Variants in XIST observed in about 807,000 individuals in gnomAD.
The protein encoded by XIST is X inactive specific transcript (non-protein coding).
chrX:73,827,358 A>T lies in XIST; in HGVS notation n.12543T>A, dbSNP rs1199777192. 9.0e-6 allele frequency: 5 copies of T among 556,681 alleles called. No homozygotes were observed. In the East Asian group the frequency reaches 1.6e-4, roughly 18 times the overall value. The allele number at this position is 556,681 out of a possible 1,213,427, so 45.9% of individuals were successfully genotyped here. Reference sequence around the variant, plus strand: ...AAGGAGAGATTACATGAAATCAAAGAGAGGGAGATAGATTCATGAAGAGGC... The same window carrying T: ...AAGGAGAGATTACATGAAATCAAAGTGAGGGAGATAGATTCATGAAGAGGC... On this transcript the variant is annotated non_coding_transcript_exon_variant, in exon 6 of 6. Coordinates refer to ENST00000429829, the Ensembl canonical transcript of XIST.
chrX:73,829,144 G>T, exon 5 of XIST: 1 of 558,823 alleles, frequency 1.8e-6, no homozygotes, highest in Non-Finnish European at 3.2e-6. Flanking sequence ...CCTTCAGTGT[G>T]TTCAAATTTC....
rs781169552 is a variant in XIST, at chrX:73,827,090, T to G, written n.12811A>C. On this transcript the variant is annotated non_coding_transcript_exon_variant, in exon 6 of 6. Coordinates refer to ENST00000429829, the Ensembl canonical transcript of XIST. ...AGTCTCAAACCATCTGTCTTATACT[T>G]TGGGCCTTCTATCCATATGAGCCTT... 5.4e-6 allele frequency: 3 copies of G among 558,887 alleles called. No individual in the cohort carries two copies. The South Asian group carries it at 6.7e-5, about 12-fold the overall frequency. The allele number at this position is 558,887 out of a possible 1,213,427, so 46.1% of individuals were successfully genotyped here.
exon 1 of XIST, chrX:73,848,770 T>A (rs1183877120): frequency 3.6e-6 from 2 of 556,724 alleles, no homozygotes; most frequent in African/African-American, 4.5e-5. Context: ...GAAGGAAACT[T>A]GGGTAGTCAG....
chrX:73,830,667 G>T lies in XIST; in HGVS notation n.11752+399C>A, dbSNP rs960950959. Among the ~76,000 whole-genome samples, 7 of 112,289 alleles carry T rather than the reference G, an allele frequency of 6.2e-5. No homozygotes were observed. In the Admixed American group the frequency reaches 6.6e-4, roughly 11 times the overall value. On this transcript the variant is annotated intron_variant and non_coding_transcript_variant, in intron 4 of 5. Transcript: ENST00000429829. ...ACACCATGGCATCCCAAGCCATCCT[G>T]AAGTATGTAAATGATTGGCAAAGTT...
exon 1 of XIST, chrX:73,852,319 G>A: frequency 1.8e-6 from 1 of 543,188 alleles, no homozygotes; most frequent in African/African-American, 2.3e-5. Context: ...TTAAAAGGCA[G>A]GTATCCACGG....
chrX:73,822,007 A>T, exon 6 of XIST: 1 of 558,519 alleles, frequency 1.8e-6, no homozygotes, highest in Non-Finnish European at 3.2e-6. Context: ...TCTGAAAGAG[A>T]TCTATTTAGG....
exon 1 of XIST, chrX:73,842,597 A>G (rs1017510405): frequency 1.8e-6 from 1 of 558,745 alleles, no homozygotes; most frequent in Non-Finnish European, 3.2e-6. Flanking sequence ...TCTTGGACTG[A>G]TGGGCTGAAA....
At chrX:73,831,414 G>T (rs759394544) in intron 3 of XIST, 1 of 382,142 alleles carries the variant, frequency 2.6e-6, no homozygotes, top group Non-Finnish European at 4.5e-6. Flanking sequence ...ACAGTTGTGC[G>T]GAGCTGTTAT....
exon 1 of XIST, chrX:73,843,961 C>A (rs754049789): frequency 1.6e-5 from 9 of 556,343 alleles, no homozygotes; most frequent in Non-Finnish European, 2.9e-5. Flanking sequence ...CAGAAGGGGC[C>A]TTGGAGGGAA....
At chrX:73,836,746 G>C (rs910475404) in intron 2 of XIST, among the ~76,000 whole-genome samples, 2 of 111,075 alleles carry the variant, frequency 1.8e-5, no homozygotes, top group Non-Finnish European at 3.8e-5. Flanking sequence ...AAGGCTCCTT[G>C]CAGAAATACA....
At chrX:73,848,694 G>A (rs1022286771) in exon 1 of XIST, 5 of 556,906 alleles carry the variant, frequency 9.0e-6, no homozygotes, top group African/African-American at 4.5e-5. Context: ...GTGGGATGGG[G>A]TGAGAATCCA....
At chrX:73,850,983 C>T (rs764845472) in exon 1 of XIST, 1 of 557,952 alleles carries the variant, frequency 1.8e-6, no homozygotes, top group African/African-American at 2.2e-5. Context: ...GGCCCCTCCA[C>T]TTCTTTCTCC....
chrX:73,824,825 T>TA (rs766557045), exon 6 of XIST: 1 of 557,038 alleles, frequency 1.8e-6, no homozygotes, highest in African/African-American at 2.2e-5. Context: ...ACCTCACCAG[T>TA]AAAGTCTTGA....
At position 73,837,885 on chromosome X, in the gene XIST, TTC is replaced by T. The variant is rs756944872; in HGVS notation, n.11343-384_11343-383del. Among the ~76,000 whole-genome samples the T allele has an allele frequency of 3.0e-3, 333 of 111,770 alleles. 3 individuals are homozygous for T. Among genetic ancestry groups the T allele is most frequent in the Middle Eastern group, 4.6e-3 (1 of 217 alleles). On this transcript the variant is annotated intron_variant and non_coding_transcript_variant, in intron 1 of 5. Coordinates refer to ENST00000429829, the Ensembl canonical transcript of XIST. ...GATCTAAAGACTTACTCTCTTTCTT[TTC>T]TGTTTATATGGATTTATAATAGGTA...
At chrX:73,852,092 G>T (rs2147710030) in exon 1 of XIST, 2 of 528,483 alleles carry the variant, frequency 3.8e-6, no homozygotes, top group Admixed American at 2.4e-5. Flanking sequence ...AGGCCCCGAT[G>T]GGCAAGGAAA....
In XIST at chrX:73,821,877, C is replaced by G. The variant is rs760002329; in HGVS notation, n.18024G>C. On this transcript the variant is annotated non_coding_transcript_exon_variant, in exon 6 of 6. Coordinates refer to ENST00000429829, the Ensembl canonical transcript of XIST. Reference sequence around the variant, plus strand: ...ACTGATATTATTCTACTATAAAAAGCCCTTCTTGAGCAGATTTGATGATAA... The same window carrying G: ...ACTGATATTATTCTACTATAAAAAGGCCTTCTTGAGCAGATTTGATGATAA... The G allele has an allele frequency of 5.4e-6, 3 of 552,913 alleles. No individual in the cohort carries two copies. In the East Asian group the frequency reaches 9.8e-5, roughly 18 times the overall value. The allele number at this position is 552,913 out of a possible 1,213,427, so 45.6% of individuals were successfully genotyped here. A position where few individuals can be genotyped will look rare whatever the true frequency, so the allele number is the denominator to read the frequency against.
chrX:73,841,242 C>A (rs1922580649), intron 1 of XIST: 1 of 379,514 alleles, frequency 2.6e-6, no homozygotes, highest in African/African-American at 2.5e-5. Flanking sequence ...CTATTTCTCT[C>A]TCTATATATA....
At chrX:73,845,340 G>A (rs1314885615) in exon 1 of XIST, 7 of 553,531 alleles carry the variant, frequency 1.3e-5, no homozygotes, top group African/African-American at 1.2e-4. Flanking sequence ...CTGCTGTACT[G>A]CAAAAAGGGT....
intron 1 of XIST, among the ~76,000 whole-genome samples, chrX:73,838,545 A>G (rs1922527219): frequency 9.0e-6 from 1 of 111,606 alleles, no homozygotes; most frequent in South Asian, 3.7e-4. Flanking sequence ...ACAGTAAAGG[A>G]GAGGCTTCTT....
Sources: allele counts gnomAD v4.1 joint callset (sites outside exome capture counted in the v4.1 genomes callset), GRCh38; gene constraint gnomAD v4.1.1; transcripts MANE v1.5; gene names NCBI Gene and HGNC (gene_info 2026-07-23, HGNC 2026-07-21).